The following RAD1 variants were observed in gnomAD, a reference collection of about 807,000 sequenced individuals.
RAD1 encodes RAD1 checkpoint DNA exonuclease, also known as cell cycle checkpoint protein RAD1.
A neutral mutation model predicts 30.0 loss-of-function variants in RAD1; 21 were observed. The observed-to-expected ratio is 0.70, with a 90% CI of 0.50 to 1.01. The LOEUF (loss-of-function observed/expected upper bound fraction) is 1.01. RAD1 is among the 50% of genes least tolerant of loss of function. RAD1 has a pLI of 0.00. For missense variants in RAD1, 329 were observed against 329.0 expected, an observed-to-expected ratio of 1.00 and a Z score of 0.00; for synonymous variants, 109 against 113.6, an observed-to-expected ratio of 0.96 and a Z score of 0.26.
intron 2 of RAD1, chr5:34,913,872 T>C (rs1454989013): frequency 1.3e-5 from 6 of 468,876 alleles, no homozygotes; most frequent in Non-Finnish European, 2.5e-5. Context: ...TGAGCAACAT[T>C]AGTTTCAACT....
chr5:34,911,717 T>G lies in RAD1; in HGVS notation c.403A>C (p.Asn135His), dbSNP rs751552145. The change falls in exon 4 of 6, where the codon AAT becomes CAT. Residue 135 changes from asparagine to histidine, a missense_variant. Coordinates refer to ENST00000382038, the MANE Select transcript of RAD1 (RefSeq NM_002853.4). ...EGGVVTVCKI[N>H]TQEPEETLDF... The stretch of plus-strand genomic sequence containing the variant: ...AGGGTCTCCTCAGGTTCCTGTGTAT[T>G]GATTTTGCAGACTGTCACCACTCCT... 8.1e-6 allele frequency: 13 copies of G among 1,614,052 alleles called. No homozygotes were observed. The highest frequency in any genetic ancestry group is 1.3e-5 in the African/African-American group (1 of 74,922).
At position 34,908,714 on chromosome 5, in the gene RAD1, A is replaced by T. The variant is rs1227625497; in HGVS notation, c.*51T>A. On this transcript the variant is annotated 3_prime_UTR_variant, in exon 6 of 6. Coordinates refer to ENST00000382038, the MANE Select transcript of RAD1 (RefSeq NM_002853.4). ...GACAAAGAGTACTGTACTCAGAATA[A>T]GAACTTCATCTATCATAAATGTACA... 1 of 1,460,446 alleles carries T rather than the reference A, an allele frequency of 6.8e-7. No individual in the cohort carries two copies. Among genetic ancestry groups the T allele is most frequent in the Admixed American group, 2.1e-5 (1 of 46,854 alleles). The allele number at this position is 1,460,446 out of a possible 1,614,324, so 90.5% of individuals were successfully genotyped here.
chr5:34,913,575 C>T lies in RAD1; in HGVS notation c.202G>A (p.Gly68Arg). The stretch of plus-strand genomic sequence containing the variant: ...TGAACTTTAAACTCCTGAAATATTC[C>T]AGCCTATGAAAAGAGTAAAAATGAA... Reference protein sequence around the residue: ...CVQANAFIQAGIFQEFKVQEE... With the variant: ...CVQANAFIQARIFQEFKVQEE... Residue 68 changes from glycine to arginine, a missense_variant, in exon 3 of 6, where the codon GGA becomes AGA. Gly to Arg is a moderately radical substitution (Grantham distance 125, BLOSUM62 -2). Coordinates refer to ENST00000382038, the MANE Select transcript of RAD1 (RefSeq NM_002853.4). 1 of 1,564,586 alleles carries T rather than the reference C, an allele frequency of 6.4e-7. No homozygotes were observed. Among genetic ancestry groups the T allele is most frequent in the South Asian group, 1.2e-5 (1 of 86,696 alleles).
chr5:34,911,837 G>T, intron 3 of RAD1, 25 bp from the exon 4 acceptor site: 1 of 1,610,746 alleles, frequency 6.2e-7, no homozygotes, highest in South Asian at 1.1e-5. Flanking sequence ...AGTCATACTT[G>T]GCCTTAGCTT....
chr5:34,909,372 A>G lies in RAD1; in HGVS notation c.567-16T>C. 2.0e-6 allele frequency: 3 copies of G among 1,506,274 alleles called. No homozygotes were observed. The highest frequency in any genetic ancestry group is 2.8e-6 in the Non-Finnish European group (3 of 1,085,298). 93.3% of individuals were successfully genotyped at this position (1,506,274 alleles called of 1,614,324 possible). A position where few individuals can be genotyped will look rare whatever the true frequency, so the allele number is the denominator to read the frequency against. On this transcript the variant is annotated splice_polypyrimidine_tract_variant and intron_variant, in intron 4 of 5. Coordinates refer to ENST00000382038, the MANE Select transcript of RAD1 (RefSeq NM_002853.4). Reference sequence around the variant, plus strand: ...AGTAGATAACCTATAGAAAATGATTACCTCATTTATTCATTCATCCAAAAA... The same window carrying G: ...AGTAGATAACCTATAGAAAATGATTGCCTCATTTATTCATTCATCCAAAAA...
rs2069480 is a variant in RAD1 at position 34,908,652 on chromosome 5, A to G, written c.*113T>C. 3.3e-3 allele frequency: 3,175 copies of G among 967,922 alleles called. 80 individuals are homozygous for G. The African/African-American group carries it at 0.047, about 14-fold the overall frequency. 60.0% of individuals were successfully genotyped at this position (967,922 alleles called of 1,614,324 possible). ...ACATGACCTTGCTCCTATCTTCCCC[A>G]TTGTGCTTCTTCTCTATAGAAAATC... On this transcript the variant is annotated 3_prime_UTR_variant, in exon 6 of 6. Coordinates refer to ENST00000382038, the MANE Select transcript of RAD1 (RefSeq NM_002853.4).
intron 4 of RAD1, 54 bp downstream of exon 4, chr5:34,911,500 G>T: frequency 2.6e-6 from 4 of 1,566,968 alleles, no homozygotes; most frequent in Non-Finnish European, 3.5e-6. Flanking sequence ...AAATGTCTAA[G>T]TGGGAAGATG....
chr5:34,913,383 A>T, intron 3 of RAD1, 87 bp downstream of exon 3: 1 of 699,602 alleles, frequency 1.4e-6, no homozygotes, highest in East Asian at 2.8e-5. Flanking sequence ...AGCTTTCTGA[A>T]CCAATGTTTA....
intron 2 of RAD1, chr5:34,914,152 G>A: frequency 3.2e-6 from 1 of 310,698 alleles, no homozygotes; most frequent in Non-Finnish European, 6.6e-6. Context: ...TATTACTTTG[G>A]AAGAACAAAA....
In RAD1 at chr5:34,911,805, TA is replaced by T; in HGVS notation, c.314del (p.Leu105Ter). 6.2e-7 allele frequency: 1 copy of T among 1,614,098 alleles called. No homozygotes were observed. Among genetic ancestry groups the T allele is most frequent in the South Asian group, 1.1e-5 (1 of 91,066 alleles). On this transcript the variant is annotated frameshift_variant, in exon 4 of 6. Transcript: ENST00000382038. LOFTEE classifies it high-confidence loss of function. ...CTTGGTAACACATTCGAAGTGCAGT[TA>T]AAGTCCCTGCAATGGAAAGAAGTCA... The part of the protein sequence containing the change: ...IFGSSPMPGT[L>X]TALRMCYQGY...
At chr5:34,913,334 G>T in intron 3 of RAD1, 136 bp downstream of exon 3, 1 of 455,828 alleles carries the variant, frequency 2.2e-6, no homozygotes, top group South Asian at 7.0e-5. Context: ...TGAAATGTTA[G>T]AACCCATGAC....
chr5:34,915,280 A>G (rs1764020199), intron 1 of RAD1, 136 bp downstream of exon 1: 3 of 277,068 alleles, frequency 1.1e-5, no homozygotes, highest in East Asian at 1.7e-4. Context: ...CCCGCCTCCA[A>G]CAAAACAGGC....
chr5:34,908,625 G>A lies in RAD1; in HGVS notation c.*140C>T. ...TTTACAAAACATAGTAACTATTAGG[G>A]TACATGACCTTGCTCCTATCTTCCC... is the stretch of plus-strand genomic sequence containing the variant. On this transcript the variant is annotated 3_prime_UTR_variant, in exon 6 of 6. Transcript: ENST00000382038. The A allele has an allele frequency of 1.5e-6, 1 of 683,398 alleles. No individual in the cohort carries two copies. Among genetic ancestry groups the A allele is most frequent in the Non-Finnish European group, 2.5e-6 (1 of 406,060 alleles). The allele number at this position is 683,398 out of a possible 1,614,324, so 42.3% of individuals were successfully genotyped here.
rs1763675037 is a variant in RAD1 at position 34,907,078 on chromosome 5, C to A, written c.*1687G>T. 1 of 152,200 alleles carries A rather than the reference C, an allele frequency of 6.6e-6. No individual in the cohort carries two copies. Among genetic ancestry groups the A allele is most frequent in the Non-Finnish European group, 1.5e-5 (1 of 68,046 alleles). 9.4% of individuals were successfully genotyped at this position (152,200 alleles called of 1,614,324 possible). Reference sequence around the variant, plus strand: ...AGTTATCAGGTGCTGACCCTGGCCACCTCCCAGAATTGTCCATATGCCTGG... The same window carrying A: ...AGTTATCAGGTGCTGACCCTGGCCAACTCCCAGAATTGTCCATATGCCTGG... On this transcript the variant is annotated 3_prime_UTR_variant, in exon 6 of 6. Transcript: ENST00000382038.
At position 34,907,962 on chromosome 5, in the gene RAD1, A is replaced by G. The variant is rs1763703783; in HGVS notation, c.*803T>C. ...TCTCCTGAGGGAAGCTTGTTAAAATACAGAATGCTGGCCTCCTCCCCAGAG... is the reference window on the plus strand; with the variant it reads ...TCTCCTGAGGGAAGCTTGTTAAAATGCAGAATGCTGGCCTCCTCCCCAGAG... On this transcript the variant is annotated 3_prime_UTR_variant, in exon 6 of 6. Coordinates refer to ENST00000382038, the MANE Select transcript of RAD1 (RefSeq NM_002853.4). 6.6e-6 allele frequency: 1 copy of G among 152,222 alleles called. No individual in the cohort carries two copies. Among genetic ancestry groups the G allele is most frequent in the African/African-American group, 2.4e-5 (1 of 41,454 alleles). The allele number at this position is 152,222 out of a possible 1,614,324, so 9.4% of individuals were successfully genotyped here. A position where few individuals can be genotyped will look rare whatever the true frequency, so the allele number is the denominator to read the frequency against.
rs967323654 is a variant in RAD1, at chr5:34,907,861, A to G, written c.*904T>C. ...AATCACATGTAAAAGCAATCATCTCATACAATTAAATGCTATTAAAGAAAA... is the reference window on the plus strand; with the variant it reads ...AATCACATGTAAAAGCAATCATCTCGTACAATTAAATGCTATTAAAGAAAA... On this transcript the variant is annotated 3_prime_UTR_variant, in exon 6 of 6. Coordinates refer to ENST00000382038, the MANE Select transcript of RAD1 (RefSeq NM_002853.4). 2.0e-4 allele frequency: 30 copies of G among 151,830 alleles called. No homozygotes were observed. The highest frequency in any genetic ancestry group is 6.8e-4 in the African/African-American group (28 of 41,116). 9.4% of individuals were successfully genotyped at this position (151,830 alleles called of 1,614,324 possible).
At chr5:34,913,622 AAACT>A (rs1763921267) in intron 2 of RAD1, 44 bp from the exon 3 acceptor site, 1 of 1,198,088 alleles carries the variant, frequency 8.3e-7, no homozygotes, top group Non-Finnish European at 1.2e-6. Flanking sequence ...AAAAGAATAA[AAACT>A]AATAATATAA....
Position 34,915,430 on chromosome 5 carries a change from C to G in RAD1, c.-84G>C. Reference sequence around the variant, plus strand: ...GGAAACCCTACCTTTGCGGTGGGGTCTGGACGCCCGAGAGCCCTTCTCAGC... The same window carrying G: ...GGAAACCCTACCTTTGCGGTGGGGTGTGGACGCCCGAGAGCCCTTCTCAGC... On this transcript the variant is annotated 5_prime_UTR_variant, in exon 1 of 6. Transcript: ENST00000382038. The G allele has an allele frequency of 3.2e-6, 1 of 312,938 alleles. No homozygotes were observed. Among genetic ancestry groups the G allele is most frequent in the South Asian group, 4.9e-5 (1 of 20,550 alleles). 19.4% of individuals were successfully genotyped at this position (312,938 alleles called of 1,614,324 possible). A position where few individuals can be genotyped will look rare whatever the true frequency, so the allele number is the denominator to read the frequency against.
chr5:34,911,108 T>A lies in RAD1; in HGVS notation c.566+446A>T, dbSNP rs62356985. 1.7e-3 allele frequency among the ~76,000 whole-genome samples: 255 copies of A among 152,338 alleles called. 2 individuals are homozygous for A. Among genetic ancestry groups the A allele is most frequent in the Non-Finnish European group, 2.5e-3 (167 of 68,034 alleles). On this transcript the variant is annotated intron_variant, in intron 4 of 5. Coordinates refer to ENST00000382038, the MANE Select transcript of RAD1 (RefSeq NM_002853.4). ...GTTCTTCCCACAATGCTTAATAAGA[T>A]GAATAAGCACACGGTAGGTGATCAA... is the stretch of plus-strand genomic sequence containing the variant.
Sources: gnomAD v4.1 joint callset for allele counts (sites outside exome capture counted in the v4.1 genomes callset) on GRCh38, gnomAD v4.1.1 for gene constraint, MANE v1.5 for transcripts, NCBI Gene and HGNC (gene_info 2026-07-23, HGNC 2026-07-21) for gene names.